DAW1: variants seen among roughly 807,000 people sequenced by gnomAD.
The protein encoded by DAW1 is dynein assembly factor with WD repeats 1.
Under a neutral mutation model 56.5 loss-of-function variants are expected in DAW1, and 47 were observed. The ratio of observed to expected loss-of-function variants is 0.83; its 90% CI spans 0.66 to 1.06. DAW1 has a LOEUF of 1.06. Among genes scored for constraint, DAW1 ranks in the 50% least tolerant of loss-of-function variants. DAW1 has a pLI of 0.00. For missense variants in DAW1, 505 were observed against 499.3 expected, an observed-to-expected ratio of 1.01 and a Z score of -0.11; for synonymous variants, 190 against 179.0, an observed-to-expected ratio of 1.06 and a Z score of -0.49.
At chr2:227,911,239 C>CATATATACACGTGT (rs1553603628) in intron 10 of DAW1, among the ~76,000 whole-genome samples, 1 of 38,732 alleles carries the variant, frequency 2.6e-5, no homozygotes, top group African/African-American at 7.9e-5. Context: ...TGTATATATA[C>CATATATACACGTGT]ATATATACAT....
intron 1 of DAW1, among the ~76,000 whole-genome samples, chr2:227,874,516 C>G (rs141179737): frequency 5.9e-5 from 9 of 152,228 alleles, no homozygotes; most frequent in Admixed American, 2.6e-4. Flanking sequence ...CTTGACCTGA[C>G]AGCAGCATTC....
chr2:227,885,745 C>T (rs925552502), intron 2 of DAW1, among the ~76,000 whole-genome samples: 1 of 152,050 alleles, frequency 6.6e-6, no homozygotes, highest in Non-Finnish European at 1.5e-5. Context: ...CTCAGATTAG[C>T]GGTGTACATT....
In DAW1 at chr2:227,885,332, T is replaced by C; in HGVS notation, c.41-19T>C. ...TGGTTATCGTAAGTGTTTTATAACA[T>C]GTTTGTTTATTTCTATAGGAATTAT... On this transcript the variant is annotated intron_variant, in intron 1 of 12. Transcript: ENST00000309931. The C allele has an allele frequency of 6.5e-7, 1 of 1,543,040 alleles. No individual in the cohort carries two copies. Among genetic ancestry groups the C allele is most frequent in the Non-Finnish European group, 8.8e-7 (1 of 1,138,376 alleles).
At chr2:227,874,586 G>A (rs1466243370) in intron 1 of DAW1, among the ~76,000 whole-genome samples, 3 of 152,010 alleles carry the variant, frequency 2.0e-5, no homozygotes, top group Non-Finnish European at 2.9e-5. Flanking sequence ...CCTGTCTCAC[G>A]TCACTTCTTC....
intron 10 of DAW1, among the ~76,000 whole-genome samples, chr2:227,907,914 T>C (rs1691724774): frequency 6.6e-6 from 1 of 152,226 alleles, no homozygotes; most frequent in Non-Finnish European, 1.5e-5. Context: ...TCAATGGTGC[T>C]ATAATCTCCT....
intron 10 of DAW1, among the ~76,000 whole-genome samples, chr2:227,915,490 CTT>C (rs1404702474): frequency 6.6e-6 from 1 of 152,018 alleles, no homozygotes; most frequent in African/African-American, 2.4e-5. Flanking sequence ...TGCATTATCT[CTT>C]TGAACACCAA....
In DAW1 at chr2:227,871,718, A is replaced by G. The variant is rs778919372; in HGVS notation, c.29A>G (p.Tyr10Cys). The change falls in exon 1 of 13, where the codon TAT (tyrosine) becomes TGT (cysteine). Residue 10 changes from tyrosine to cysteine, a missense_variant. Tyr to Cys is a radical substitution (Grantham distance 194). Transcript: ENST00000309931. ...AAGCTCAAGAGCCTCCTGCTCCGGTATTACCCGCCAGGTACGCACCAGCCC... is the reference window on the plus strand; with the variant it reads ...AAGCTCAAGAGCCTCCTGCTCCGGTGTTACCCGCCAGGTACGCACCAGCCC... MKLKSLLLR[Y>C]YPPGIMLEYE... 6 of 1,613,942 alleles carry G rather than the reference A, an allele frequency of 3.7e-6. No homozygotes were observed. The highest frequency in any genetic ancestry group is 5.1e-6 in the Non-Finnish European group (6 of 1,179,908).
chr2:227,907,275 T>C, intron 10 of DAW1, 23 bp downstream of exon 10: 1 of 1,581,238 alleles, frequency 6.3e-7, no homozygotes, highest in Non-Finnish European at 8.7e-7. Context: ...TTCATTCTTT[T>C]AATTTTTGGA....
chr2:227,882,156 T>C (rs1691026509), intron 1 of DAW1, among the ~76,000 whole-genome samples: 1 of 152,252 alleles, frequency 6.6e-6, no homozygotes, highest in Non-Finnish European at 1.5e-5. Context: ...TAGAATTATA[T>C]CTGTTATATC....
intron 3 of DAW1, among the ~76,000 whole-genome samples, chr2:227,890,676 T>C (rs1471666928): frequency 6.6e-6 from 1 of 152,230 alleles, no homozygotes; most frequent in African/African-American, 2.4e-5. Flanking sequence ...GTAACATTTC[T>C]TTGTCCAGTA....
chr2:227,881,515 A>G (rs1190081471), intron 1 of DAW1, among the ~76,000 whole-genome samples: 1 of 152,186 alleles, frequency 6.6e-6, no homozygotes, highest in Non-Finnish European at 1.5e-5. Flanking sequence ...AAGTAATACA[A>G]GGTGACCATG....
At chr2:227,876,050 C>T (rs1690873235) in intron 1 of DAW1, among the ~76,000 whole-genome samples, 1 of 151,218 alleles carries the variant, frequency 6.6e-6, no homozygotes, top group Non-Finnish European at 1.5e-5. Context: ...GAGTCTAGCT[C>T]TGTCACCCAG....
chr2:227,909,538 T>C (rs1340864608), intron 10 of DAW1, among the ~76,000 whole-genome samples: 1 of 151,980 alleles, frequency 6.6e-6, no homozygotes. Context: ...AGTCTTGCCA[T>C]ATGCCATCTG....
intron 10 of DAW1, among the ~76,000 whole-genome samples, chr2:227,917,508 C>T (rs937635488): frequency 3.3e-5 from 5 of 152,086 alleles, no homozygotes; most frequent in Admixed American, 3.3e-4. Flanking sequence ...GATCCTCCCG[C>T]CTCGGCCTCC....
intron 10 of DAW1, among the ~76,000 whole-genome samples, chr2:227,908,445 G>T (rs1417545587): frequency 1.3e-5 from 2 of 152,052 alleles, no homozygotes; most frequent in African/African-American, 4.8e-5. Flanking sequence ...ATCTGTGTTG[G>T]TGTACTATGC....
At chr2:227,915,481 G>A (rs1180619652) in intron 10 of DAW1, among the ~76,000 whole-genome samples, 1 of 152,008 alleles carries the variant, frequency 6.6e-6, no homozygotes, top group African/African-American at 2.4e-5. Context: ...GAAGATGTCT[G>A]CATTATCTCT....
chr2:227,877,261 C>T (rs1690903034), intron 1 of DAW1, among the ~76,000 whole-genome samples: 1 of 152,220 alleles, frequency 6.6e-6, no homozygotes, highest in Non-Finnish European at 1.5e-5. Context: ...TTACTGCAAC[C>T]TCTGCCTCTG....
At chr2:227,914,520 A>T (rs1223000830) in intron 10 of DAW1, among the ~76,000 whole-genome samples, 1 of 152,038 alleles carries the variant, frequency 6.6e-6, no homozygotes, top group African/African-American at 2.4e-5. Context: ...ACTCTGTGTC[A>T]TCTCTTTGGA....
chr2:227,908,460 A>T (rs113473653), intron 10 of DAW1, among the ~76,000 whole-genome samples: 26 of 152,298 alleles, frequency 1.7e-4, no homozygotes, highest in African/African-American at 6.0e-4. Flanking sequence ...CTATGCATGC[A>T]TCATGTCCTG....
Sources: allele counts gnomAD v4.1 joint callset (sites outside exome capture counted in the v4.1 genomes callset), GRCh38; gene constraint gnomAD v4.1.1; transcripts MANE v1.5; gene names NCBI Gene and HGNC (gene_info 2026-07-23, HGNC 2026-07-21).